Variants in CD300LD observed in about 807,000 individuals in gnomAD.
CD300LD encodes CMRF35-like molecule 5.
Under a neutral mutation model 20.3 loss-of-function variants are expected in CD300LD, and 18 were observed. That is an observed-to-expected ratio of 0.89 (90% CI 0.61 to 1.32). The LOEUF (loss-of-function observed/expected upper bound fraction) is 1.32, where lower values mean the gene tolerates loss of function less well. CD300LD is among the 40% of genes most tolerant of loss of function. The pLI is 0.00. For synonymous variants in CD300LD, 104 were observed against 90.1 expected (o/e 1.15, Z -0.87); for missense variants, 195 against 226.6 (o/e 0.86, Z 0.90).
intron 2 of CD300LD, 28 bp from the exon 3 acceptor site, chr17:74,582,339 A>G: frequency 3.1e-6 from 5 of 1,596,054 alleles, no homozygotes; most frequent in Non-Finnish European, 3.4e-6. Flanking sequence ...AACACGGTTC[A>G]CCCCTTCCAT....
rs1163621534 is a variant in CD300LD, at chr17:74,588,681, G to C, written c.209C>G (p.Ser70Ter). The C allele has an allele frequency of 1.9e-6, 3 of 1,614,044 alleles. No homozygotes were observed. In the African/African-American group the frequency reaches 4.0e-5, roughly 22 times the overall value. ...YCNILVKTNG[S>*]EQEVKKNRVS... is the part of the protein sequence containing the mutation. ...TCGATTCTTCTTTACCTCCTGCTCT[G>C]ATCCATTTGTTTTAACAAGGATGTT... The change falls in exon 2 of 4, where the codon TCA becomes TGA. Residue 70 changes from serine (S) to a stop codon, truncating the protein, a stop_gained. Transcript: ENST00000375352. LOFTEE classifies it high-confidence loss of function.
At chr17:74,579,195 C>T (rs2029979324), downstream of CD300LD, among the ~76,000 whole-genome samples, 2 of 152,234 alleles carry the variant, frequency 1.3e-5, no homozygotes, top group Admixed American at 1.3e-4. Context: ...CCTCTGCTCT[C>T]TTCTGTACTC....
chr17:74,584,222 G>A (rs1699585), intron 2 of CD300LD, among the ~76,000 whole-genome samples: 108,819 of 152,084 alleles, frequency 0.72, 39,916 homozygotes, highest in African/African-American at 0.88. Flanking sequence ...CATCTCTGGC[G>A]GGCATACATT....
intron 2 of CD300LD, among the ~76,000 whole-genome samples, chr17:74,582,851 T>C (rs974188810): frequency 6.6e-6 from 1 of 152,184 alleles, no homozygotes; most frequent in Non-Finnish European, 1.5e-5. Context: ...CATCCCAGCC[T>C]CTGCTGTGTG....
At chr17:74,582,095 T>C (rs2143272103) in intron 3 of CD300LD, 123 bp downstream of exon 3, 1 of 664,388 alleles carries the variant, frequency 1.5e-6, no homozygotes, top group East Asian at 2.8e-5. Flanking sequence ...TAAAAAATGT[T>C]TTGTTGTTTG....
chr17:74,582,344 T>A (rs2030056109), intron 2 of CD300LD, 33 bp from the exon 3 acceptor site: 1 of 1,581,988 alleles, frequency 6.3e-7, no homozygotes, highest in African/African-American at 1.3e-5. Context: ...GGTTCACCCC[T>A]TCCATGGATG....
chr17:74,588,245 C>T (rs546941743), intron 2 of CD300LD, among the ~76,000 whole-genome samples: 20 of 152,272 alleles, frequency 1.3e-4, no homozygotes, highest in African/African-American at 4.1e-4. Flanking sequence ...CTTTAATCCA[C>T]GAATGGATTA....
intron 2 of CD300LD, among the ~76,000 whole-genome samples, chr17:74,586,305 G>A (rs1422612601): frequency 1.3e-5 from 2 of 152,156 alleles, no homozygotes; most frequent in Admixed American, 1.3e-4. Flanking sequence ...CGGCCAAGGA[G>A]CAAATCCTAA....
intron 2 of CD300LD, among the ~76,000 whole-genome samples, chr17:74,588,308 G>C (rs1035347861): frequency 6.6e-6 from 1 of 152,142 alleles, no homozygotes; most frequent in Non-Finnish European, 1.5e-5. Context: ...TAAAGGCCTT[G>C]TCTCTCAATA....
intron 2 of CD300LD, 111 bp from the exon 3 acceptor site, chr17:74,582,422 A>C: frequency 1.3e-6 from 1 of 742,964 alleles, no homozygotes; most frequent in Non-Finnish European, 2.2e-6. Flanking sequence ...CTTGGGGTCC[A>C]AGACTGTCTG....
intron 1 of CD300LD, 26 bp downstream of exon 1, chr17:74,592,137 T>C: frequency 6.2e-7 from 1 of 1,614,178 alleles, no homozygotes; most frequent in Non-Finnish European, 8.5e-7. Flanking sequence ...GTCATTCCAG[T>C]GCCTTAAAGC....
rs2030054611 is a variant in CD300LD, at chr17:74,582,288, A to G, written c.403T>C (p.Trp135Arg). 6.2e-7 allele frequency: 1 copy of G among 1,613,638 alleles called. No homozygotes were observed. The highest frequency in any genetic ancestry group is 1.1e-5 in the South Asian group (1 of 91,068). ...NPGTQTAVSE[W>R]TTTTASLAFT... ...GCCAGGCTTGCTGTTGTGGTTGTCC[A>G]TTCTGAGACTGCAGTTTGTGTGCCT... The change falls in exon 3 of 4, where the codon TGG becomes CGG. Residue 135 changes from tryptophan to arginine, a missense_variant. Physicochemically the swap from Trp to Arg is moderately radical, Grantham distance 101. Coordinates refer to ENST00000375352, the MANE Select transcript of CD300LD (RefSeq NM_001115152.2).
intron 2 of CD300LD, among the ~76,000 whole-genome samples, chr17:74,582,620 C>T (rs2030060927): frequency 1.3e-5 from 2 of 152,264 alleles, no homozygotes; most frequent in Non-Finnish European, 2.9e-5. Context: ...GTCTCGGCCA[C>T]AGCCGAGGTG....
intron 2 of CD300LD, 78 bp from the exon 3 acceptor site, chr17:74,582,389 C>G (rs575821206): frequency 8.4e-7 from 1 of 1,196,048 alleles, no homozygotes; most frequent in East Asian, 2.5e-5. Context: ...GGCTTCTCCA[C>G]CTAGGAATTA....
intron 2 of CD300LD, among the ~76,000 whole-genome samples, chr17:74,583,745 T>G (rs1432741032): frequency 2.1e-5 from 3 of 144,202 alleles, no homozygotes; most frequent in Non-Finnish European, 4.5e-5. Context: ...GCATGAGTAT[T>G]TCACTTTTTT....
At chr17:74,584,705 C>T (rs1001990592) in intron 2 of CD300LD, 8 of 152,482 alleles carry the variant, frequency 5.2e-5, no homozygotes, top group African/African-American at 1.9e-4. Flanking sequence ...AAGCAAGGAG[C>T]TCCCTGACCC....
chr17:74,580,162 C>T (rs2030001936), intron 3 of CD300LD, 49 bp from the exon 4 acceptor site: 1 of 1,172,532 alleles, frequency 8.5e-7, no homozygotes, highest in Non-Finnish European at 1.2e-6. Context: ...GGTCAGAGGT[C>T]TCAGGTCTTC....
rs1598125762 is a variant in CD300LD at position 74,579,939 on chromosome 17, T to G, written c.*63A>C. On this transcript the variant is annotated 3_prime_UTR_variant, in exon 4 of 4. Coordinates refer to ENST00000375352, the MANE Select transcript of CD300LD (RefSeq NM_001115152.2). ...TGTTTTTTCTTCTGTGGGAGGGCCT[T>G]TCGCCCTGGACAGGACGTCAATGGG... 2 of 1,005,332 alleles carry G rather than the reference T, an allele frequency of 2.0e-6. No homozygotes were observed. Among genetic ancestry groups the G allele is most frequent in the African/African-American group, 3.2e-5 (2 of 62,328 alleles). 62.3% of individuals were successfully genotyped at this position (1,005,332 alleles called of 1,614,324 possible). A position where few individuals can be genotyped will look rare whatever the true frequency, so the allele number is the denominator to read the frequency against.
chr17:74,590,113 A>G (rs1291219589), intron 1 of CD300LD, among the ~76,000 whole-genome samples: 1 of 152,162 alleles, frequency 6.6e-6, no homozygotes, highest in African/African-American at 2.4e-5. Flanking sequence ...TAATTGAATC[A>G]TGGGGCGGTT....
Sources: gnomAD v4.1 joint callset for allele counts (sites outside exome capture counted in the v4.1 genomes callset) on GRCh38, gnomAD v4.1.1 for gene constraint, MANE v1.5 for transcripts, NCBI Gene and HGNC (gene_info 2026-07-23, HGNC 2026-07-21) for gene names.